Variants in NREP observed in about 807,000 individuals in gnomAD.
NREP encodes neuronal regeneration related protein, also known as neuronal regeneration-related protein.
Under a neutral mutation model 8.6 loss-of-function variants are expected in NREP, and 5 were observed. The observed-to-expected ratio is 0.58, with a 90% CI of 0.30 to 1.22. The LOEUF (loss-of-function observed/expected upper bound fraction) is 1.22, where lower values mean the gene tolerates loss of function less well. Among genes scored for constraint, NREP ranks in the 50% most tolerant of loss-of-function variants. The pLI, the probability that NREP is intolerant of heterozygous loss-of-function variation, is 0.07. For synonymous variants in NREP, 27 were observed against 28.0 expected, an observed-to-expected ratio of 0.96 and a Z score of 0.11; for missense variants, 86 against 82.5, an observed-to-expected ratio of 1.04 and a Z score of -0.17.
chr5:111,966,163 T>G (rs1277558817), intron 2 of NREP, among the ~76,000 whole-genome samples: 2 of 152,182 alleles, frequency 1.3e-5, no homozygotes, highest in Non-Finnish European at 2.9e-5. Flanking sequence ...AGAAGATGAT[T>G]AAAAACTGAG....
chr5:111,793,802 T>C (rs1469603288), intron 2 of NREP, among the ~76,000 whole-genome samples: 1 of 152,154 alleles, frequency 6.6e-6, no homozygotes, highest in Non-Finnish European at 1.5e-5. Flanking sequence ...CTCATGTCTG[T>C]AATTCCAGCA....
At chr5:111,974,148 G>T (rs990203617) in intron 2 of NREP, among the ~76,000 whole-genome samples, 4 of 152,162 alleles carry the variant, frequency 2.6e-5, no homozygotes, top group African/African-American at 4.8e-5. Context: ...AGTGTGTTCT[G>T]TATAGTGTCC....
chr5:111,926,597 A>G (rs1755392728), intron 2 of NREP, among the ~76,000 whole-genome samples: 1 of 152,036 alleles, frequency 6.6e-6, no homozygotes, highest in African/African-American at 2.4e-5. Context: ...CCCTTGTGCA[A>G]AATAATGTAA....
At chr5:111,848,862 C>T (rs1397540127) in intron 2 of NREP, among the ~76,000 whole-genome samples, 2 of 152,104 alleles carry the variant, frequency 1.3e-5, no homozygotes, top group African/African-American at 4.8e-5. Context: ...GCCTAAGAAA[C>T]AGCAGTGAAT....
At chr5:111,846,336 T>G (rs1365462805) in intron 2 of NREP, 3 of 154,102 alleles carry the variant, frequency 1.9e-5, no homozygotes, top group African/African-American at 7.2e-5. Context: ...TCTCCTCATT[T>G]TTAGTTTCTC....
intron 2 of NREP, among the ~76,000 whole-genome samples, chr5:111,849,021 T>G (rs964529896): frequency 6.6e-6 from 1 of 152,090 alleles, no homozygotes; most frequent in African/African-American, 2.4e-5. Context: ...GTGTACAAAT[T>G]TGGGTTTGAG....
intron 2 of NREP, among the ~76,000 whole-genome samples, chr5:111,803,135 A>C (rs1161500712): frequency 1.3e-5 from 2 of 152,224 alleles, no homozygotes; most frequent in Non-Finnish European, 1.5e-5. Context: ...TGCCATTGAT[A>C]CCAGCCATAC....
chr5:111,873,938 A>G (rs1753846435), intron 2 of NREP, among the ~76,000 whole-genome samples: 1 of 152,080 alleles, frequency 6.6e-6, no homozygotes, highest in African/African-American at 2.4e-5. Context: ...TCTTTCTACA[A>G]ACAAAGGTAG....
intron 2 of NREP, among the ~76,000 whole-genome samples, chr5:111,837,800 T>C (rs1432815199): frequency 6.6e-6 from 1 of 152,054 alleles, no homozygotes; most frequent in Non-Finnish European, 1.5e-5. Flanking sequence ...CAAAGTAGCA[T>C]AGTCAGATTA....
chr5:111,748,243 T>TTCC (rs1304813647), intron 2 of NREP, among the ~76,000 whole-genome samples: 1 of 152,190 alleles, frequency 6.6e-6, no homozygotes, highest in African/African-American at 2.4e-5. Context: ...CACTTAACTC[T>TTCC]TCCCCCTTAC....
intron 2 of NREP, among the ~76,000 whole-genome samples, chr5:111,939,083 A>G (rs1459667690): frequency 6.6e-6 from 1 of 151,950 alleles, no homozygotes; most frequent in Non-Finnish European, 1.5e-5. Context: ...TCATGCCTAG[A>G]AATTACCGTC....
chr5:111,818,688 G>A (rs951970633), intron 2 of NREP, among the ~76,000 whole-genome samples: 41 of 152,174 alleles, frequency 2.7e-4, no homozygotes, highest in South Asian at 6.2e-4. Context: ...TTCTAGAAAT[G>A]TACCAAAGAA....
chr5:111,794,783 G>A (rs771719229), intron 2 of NREP, among the ~76,000 whole-genome samples: 25 of 152,192 alleles, frequency 1.6e-4, no homozygotes, highest in Middle Eastern at 3.4e-3. Flanking sequence ...GTCTATATCC[G>A]TAGAATGTGC....
chr5:111,883,530 GCACCA>G (rs1348423607), intron 2 of NREP, among the ~76,000 whole-genome samples: 4 of 152,054 alleles, frequency 2.6e-5, no homozygotes, highest in East Asian at 3.8e-4. Flanking sequence ...ACTTTTTTCA[GCACCA>G]CACCACACCT....
chr5:111,762,106 G>T (rs1023020340), upstream of NREP, among the ~76,000 whole-genome samples: 1 of 152,104 alleles, frequency 6.6e-6, no homozygotes, highest in Non-Finnish European at 1.5e-5. Context: ...GCATGGGAAA[G>T]GAAAAGAGGG....
intron 2 of NREP, among the ~76,000 whole-genome samples, chr5:111,809,463 G>A (rs1279268192): frequency 6.6e-6 from 1 of 152,208 alleles, no homozygotes; most frequent in African/African-American, 2.4e-5. Context: ...TTTAGGTCAT[G>A]GGGACAGATT....
At chr5:111,883,089 G>A (rs992054405) in intron 2 of NREP, among the ~76,000 whole-genome samples, 4 of 152,188 alleles carry the variant, frequency 2.6e-5, no homozygotes, top group South Asian at 2.1e-4. Flanking sequence ...GCCATCTCAC[G>A]TGCAGAGACA....
At chr5:111,874,534 CT>C (rs1184256591) in intron 2 of NREP, among the ~76,000 whole-genome samples, 1 of 152,062 alleles carries the variant, frequency 6.6e-6, no homozygotes, top group African/African-American at 2.4e-5. Context: ...ATTTAACAGG[CT>C]TTTTCTAGAT....
chr5:111,971,411 A>T (rs1034733273), intron 2 of NREP, among the ~76,000 whole-genome samples: 33 of 152,128 alleles, frequency 2.2e-4, no homozygotes, highest in African/African-American at 7.5e-4. Flanking sequence ...AAAAAACAAA[A>T]AACTAAACAA....
Sources: gnomAD v4.1 joint callset for allele counts (sites outside exome capture counted in the v4.1 genomes callset) on GRCh38, gnomAD v4.1.1 for gene constraint, MANE v1.5 for transcripts, NCBI Gene and HGNC (gene_info 2026-07-23, HGNC 2026-07-21) for gene names.